NCAM2: variants seen among roughly 807,000 people sequenced by gnomAD.
NCAM2 encodes neural cell adhesion molecule 2.
NCAM2 carries 30 observed loss-of-function variants against 98.1 expected under a neutral mutation model. The ratio of observed to expected loss-of-function variants is 0.31; its 90% confidence interval spans 0.23 to 0.41. The LOEUF is 0.41. NCAM2 is among the 10% of genes least tolerant of loss of function. The probability of loss-of-function intolerance (pLI) is 1.00; values close to 1 mark genes in which losing one functional copy is unlikely to be tolerated. For synonymous variants in NCAM2, 368 were observed against 342.4 expected (o/e 1.07, Z -0.83); for missense variants, 867 against 1,005.8 (o/e 0.86, Z 1.87).
At chr21:21,367,463 G>A (rs964266260) in intron 8 of NCAM2, among the ~76,000 whole-genome samples, 3 of 151,874 alleles carry the variant, frequency 2.0e-5, no homozygotes, top group Non-Finnish European at 4.4e-5. Context: ...ATTGGCCATG[G>A]AAAAATACTA....
In NCAM2 at chr21:20,998,474, C is replaced by G. The variant is rs2063958271; in HGVS notation, c.-90C>G. The G allele has an allele frequency of 1.5e-6, 2 of 1,360,256 alleles. No individual in the cohort carries two copies. Among genetic ancestry groups the G allele is most frequent in the Non-Finnish European group, 1.0e-6 (1 of 985,948 alleles). 84.3% of individuals were successfully genotyped at this position (1,360,256 alleles called of 1,614,324 possible). On this transcript the variant is annotated 5_prime_UTR_variant, in exon 1 of 18. Transcript: ENST00000400546. ...CACCGCGGGAGCGGCGGCGGCGGCT[C>G]TAGCAGAGGCGGCCGGGGCAGCGAA...
chr21:21,474,527 G>T lies in NCAM2; in HGVS notation c.1897-2764G>T, dbSNP rs9982933. Among the ~76,000 whole-genome samples the T allele has an allele frequency of 7.4e-3, 1,119 of 151,426 alleles. 20 individuals carry two copies. The highest frequency in any genetic ancestry group is 0.025 in the African/African-American group (1,036 of 41,258). ...CTTTTTTTTTTTCTGGGGTAATTAA[G>T]GTCTCATTTTTTGGCTTATTTTCTG... is the stretch of plus-strand genomic sequence containing the variant. On this transcript the variant is annotated intron_variant, in intron 14 of 17. Transcript: ENST00000400546.
chr21:21,217,412 A>G (rs967382483), intron 1 of NCAM2, among the ~76,000 whole-genome samples: 3 of 152,144 alleles, frequency 2.0e-5, no homozygotes, highest in Non-Finnish European at 4.4e-5. Context: ...CCTAATTAAT[A>G]TTTGGGTATA....
At chr21:21,308,868 T>C (rs2073959955) in intron 5 of NCAM2, among the ~76,000 whole-genome samples, 1 of 152,176 alleles carries the variant, frequency 6.6e-6, no homozygotes, top group African/African-American at 2.4e-5. Flanking sequence ...GTATTAATTT[T>C]TGGATATTCT....
intron 1 of NCAM2, among the ~76,000 whole-genome samples, chr21:21,277,537 T>C (rs2072774213): frequency 6.6e-6 from 1 of 152,026 alleles, no homozygotes; most frequent in African/African-American, 2.4e-5. Flanking sequence ...ACAAAACAGT[T>C]TGGGCAAATG....
intron 12 of NCAM2, among the ~76,000 whole-genome samples, chr21:21,458,178 G>A (rs540931502): frequency 5.9e-5 from 9 of 152,310 alleles, no homozygotes; most frequent in South Asian, 2.1e-4. Flanking sequence ...CCAGCACTAC[G>A]CCTCTCATTG....
chr21:21,534,259 G>A (rs1009129135), intron 16 of NCAM2, among the ~76,000 whole-genome samples: 1 of 151,814 alleles, frequency 6.6e-6, no homozygotes, highest in East Asian at 1.9e-4. Context: ...AATATATACA[G>A]TAGGATTTTA....
chr21:21,260,002 T>TA (rs986998145), intron 1 of NCAM2, among the ~76,000 whole-genome samples: 8 of 143,498 alleles, frequency 5.6e-5, no homozygotes, highest in Admixed American at 5.5e-4. Context: ...ATAGCTATAT[T>TA]AAAAAAATAG....
chr21:21,500,341 A>C (rs73896936), intron 15 of NCAM2, among the ~76,000 whole-genome samples: 1 of 152,152 alleles, frequency 6.6e-6, no homozygotes, highest in African/African-American at 2.4e-5. Context: ...AATGTGAATT[A>C]AAATTGAATA....
intron 10 of NCAM2, among the ~76,000 whole-genome samples, chr21:21,418,140 A>C (rs1367397434): frequency 1.3e-5 from 2 of 152,064 alleles, no homozygotes; most frequent in African/African-American, 2.4e-5. Flanking sequence ...TATATATTTC[A>C]AACTGTGTAC....
chr21:21,177,336 A>G (rs2068327125), intron 1 of NCAM2, among the ~76,000 whole-genome samples: 1 of 149,324 alleles, frequency 6.7e-6, no homozygotes. Flanking sequence ...CACCCATCAT[A>G]TATCTCTGAC....
intron 8 of NCAM2, among the ~76,000 whole-genome samples, chr21:21,367,504 A>G (rs1307422866): frequency 6.6e-6 from 1 of 152,008 alleles, no homozygotes; most frequent in East Asian, 1.9e-4. Flanking sequence ...CATGGGATCA[A>G]GAGAAAAGTC....
chr21:21,280,739 A>G (rs1192360857), intron 2 of NCAM2, 87 bp downstream of exon 2: 5 of 840,282 alleles, frequency 6.0e-6, no homozygotes, highest in African/African-American at 5.3e-5. Flanking sequence ...CTAGTTAAAA[A>G]CTCAGTTCTC....
At chr21:21,071,568 G>T (rs2065564110) in intron 1 of NCAM2, among the ~76,000 whole-genome samples, 1 of 152,030 alleles carries the variant, frequency 6.6e-6, no homozygotes, top group East Asian at 1.9e-4. Flanking sequence ...CATTGAAAAA[G>T]GTTTATGCAG....
intron 9 of NCAM2, among the ~76,000 whole-genome samples, chr21:21,401,298 A>G (rs201122655): frequency 0.25 from 1 of 4 alleles, no homozygotes; most frequent in Non-Finnish European, 0.25. Flanking sequence ...TTCACCTCAC[A>G]ATACTCAGCC....
At chr21:21,435,502 C>T (rs1285545266) in intron 12 of NCAM2, among the ~76,000 whole-genome samples, 1 of 152,110 alleles carries the variant, frequency 6.6e-6, no homozygotes. Flanking sequence ...TTTCTGCTTA[C>T]ATTGCGGGGA....
intron 14 of NCAM2, among the ~76,000 whole-genome samples, chr21:21,469,457 A>G (rs1386334402): frequency 1.3e-5 from 2 of 152,030 alleles, no homozygotes; most frequent in Non-Finnish European, 2.9e-5. Context: ...TTCCATAAGT[A>G]CCTTGGAGTA....
In NCAM2 at chr21:21,505,455, T is replaced by C. The variant is rs1329148128; in HGVS notation, c.2078-3396T>C. 2.0e-5 allele frequency among the ~76,000 whole-genome samples: 3 copies of C among 152,110 alleles called. No homozygotes were observed. The East Asian group carries it at 5.8e-4, about 29-fold the overall frequency. ...AATTTCTTTTGTTTAAGCCAAAAAATGAAGATGTTTTACATATATAATTTT... is the reference window on the plus strand; with the variant it reads ...AATTTCTTTTGTTTAAGCCAAAAAACGAAGATGTTTTACATATATAATTTT... On this transcript the variant is annotated intron_variant, in intron 15 of 17. Coordinates refer to ENST00000400546, the MANE Select transcript of NCAM2 (RefSeq NM_004540.5).
chr21:21,217,172 A>C (rs376919948), intron 1 of NCAM2, among the ~76,000 whole-genome samples: 1 of 152,206 alleles, frequency 6.6e-6, no homozygotes, highest in East Asian at 1.9e-4. Flanking sequence ...AGAAGTAAAC[A>C]GTATATCTGA....
Sources: gnomAD v4.1 joint callset for allele counts (sites outside exome capture counted in the v4.1 genomes callset) on GRCh38, gnomAD v4.1.1 for gene constraint, MANE v1.5 for transcripts, NCBI Gene and HGNC (gene_info 2026-07-23, HGNC 2026-07-21) for gene names.